PDZD2: variants seen among roughly 807,000 people sequenced by gnomAD.
PDZD2 encodes PDZ domain-containing protein 2.
A neutral mutation model predicts 220.7 loss-of-function variants in PDZD2; 90 were observed. That is an observed-to-expected ratio of 0.41 (90% CI 0.34 to 0.49). The LOEUF is 0.49. PDZD2 is among the 20% of genes least tolerant of loss of function. The pLI is 0.28. For synonymous variants in PDZD2, 1,375 were observed against 1,450.5 expected, an observed-to-expected ratio of 0.95 and a Z score of 1.18; for missense variants, 3,174 against 3,608.5, an observed-to-expected ratio of 0.88 and a Z score of 3.08.
intron 2 of PDZD2, among the ~76,000 whole-genome samples, chr5:31,924,339 CT>C: frequency 6.6e-6 from 1 of 152,192 alleles, no homozygotes; most frequent in African/African-American, 2.4e-5. Flanking sequence ...ATGTAATTGT[CT>C]CCAGGTACAG....
chr5:31,910,007 G>A (rs527446234), intron 2 of PDZD2, among the ~76,000 whole-genome samples: 3 of 152,172 alleles, frequency 2.0e-5, no homozygotes, highest in Admixed American at 6.5e-5. Flanking sequence ...TTATGGATGC[G>A]TTTACTACGT....
Position 32,083,668 on chromosome 5 carries a change from G to A in PDZD2, c.3683-3463G>A, listed in dbSNP as rs781346564. On this transcript the variant is annotated intron_variant, in intron 19 of 24. Transcript: ENST00000438447. This position sits in a 1 kb window ranked among gnomAD's most constrained non-coding sequence, Gnocchi z 4.1. ...GCCTGTTTAGGTTTATTCAGTGAGC[G>A]AATATGAAATTTGTTTATTTTTGAG... 9 of 152,050 alleles carry A rather than the reference G, an allele frequency of 5.9e-5. No individual in the cohort carries two copies. The highest frequency in any genetic ancestry group is 1.2e-4 in the Non-Finnish European group (8 of 68,032). 9.4% of individuals were successfully genotyped at this position (152,050 alleles called of 1,614,324 possible).
intron 2 of PDZD2, among the ~76,000 whole-genome samples, chr5:31,880,218 C>T (rs1441860563): frequency 2.6e-5 from 4 of 152,108 alleles, no homozygotes; most frequent in Non-Finnish European, 4.4e-5. Context: ...CCACTGCACC[C>T]GGCCAATACC....
At chr5:31,980,689 A>T (rs1253937311) in intron 2 of PDZD2, among the ~76,000 whole-genome samples, 1 of 152,236 alleles carries the variant, frequency 6.6e-6, no homozygotes, top group Non-Finnish European at 1.5e-5. Flanking sequence ...TATGGAAAAA[A>T]TGTTTACAAT....
At chr5:31,912,073 T>C (rs1241374457) in intron 2 of PDZD2, among the ~76,000 whole-genome samples, 5 of 152,224 alleles carry the variant, frequency 3.3e-5, no homozygotes, top group Non-Finnish European at 7.3e-5. Context: ...GCCTTGGCTC[T>C]ACTACACAAA....
chr5:31,697,058 C>T (rs1287198841), intron 1 of PDZD2, among the ~76,000 whole-genome samples: 4 of 152,228 alleles, frequency 2.6e-5, no homozygotes, highest in Non-Finnish European at 4.4e-5. Flanking sequence ...GGGGGCCAGC[C>T]TGCTCTCAGC....
intron 2 of PDZD2, chr5:31,854,895 C>A: frequency 1.2e-6 from 1 of 831,880 alleles, no homozygotes; most frequent in Non-Finnish European, 1.4e-6. Flanking sequence ...TAACCTCCTC[C>A]ACCGCGGCGC....
intron 1 of PDZD2, among the ~76,000 whole-genome samples, chr5:31,793,309 G>A (rs1172887540): frequency 6.6e-6 from 1 of 151,930 alleles, no homozygotes; most frequent in East Asian, 1.9e-4. Flanking sequence ...GCAGAGTGGG[G>A]GCACTTCCCC....
chr5:31,692,024 C>T (rs1747157608), intron 1 of PDZD2, among the ~76,000 whole-genome samples: 1 of 152,230 alleles, frequency 6.6e-6, no homozygotes, highest in Non-Finnish European at 1.5e-5. Flanking sequence ...ATTCCTCAGC[C>T]CTTGGGTGGT....
chr5:31,975,769 T>C (rs578195924), intron 2 of PDZD2, among the ~76,000 whole-genome samples: 1 of 149,012 alleles, frequency 6.7e-6, no homozygotes, highest in African/African-American at 2.5e-5. Flanking sequence ...AAAGGTATTA[T>C]GAGCACACTG....
intron 2 of PDZD2, among the ~76,000 whole-genome samples, chr5:31,865,072 C>A (rs1318964861): frequency 2.0e-5 from 3 of 151,734 alleles, no homozygotes; most frequent in Admixed American, 6.6e-5. Context: ...TGGTCTCGAT[C>A]TCCTGACCTC....
intron 2 of PDZD2, among the ~76,000 whole-genome samples, chr5:31,801,122 A>G (rs565669523): frequency 2.0e-5 from 3 of 152,200 alleles, no homozygotes; most frequent in Non-Finnish European, 2.9e-5. Flanking sequence ...GGCACATACA[A>G]CATGGTCCAA....
intron 5 of PDZD2, among the ~76,000 whole-genome samples, chr5:32,003,854 G>A (rs1042141248): frequency 3.3e-5 from 5 of 152,274 alleles, no homozygotes; most frequent in African/African-American, 1.2e-4. Context: ...TGGGATTACA[G>A]GTGCCCACCA....
intron 1 of PDZD2, among the ~76,000 whole-genome samples, chr5:31,707,613 C>T (rs1470756613): frequency 6.6e-6 from 1 of 151,892 alleles, no homozygotes; most frequent in African/African-American, 2.4e-5. Flanking sequence ...GCCACACCCA[C>T]GTGGAGCTAC....
At chr5:32,071,306 T>G in intron 15 of PDZD2, 78 bp from the exon 16 acceptor site, 1 of 1,039,808 alleles carries the variant, frequency 9.6e-7, no homozygotes, top group East Asian at 2.4e-5. Flanking sequence ...GCCGCCTCCT[T>G]TTCTAGTTAA....
intron 1 of PDZD2, among the ~76,000 whole-genome samples, chr5:31,658,201 G>C (rs927771395): frequency 1.3e-5 from 2 of 152,072 alleles, no homozygotes; most frequent in Non-Finnish European, 2.9e-5. Flanking sequence ...AGTCACCCCA[G>C]GGTCTATTCT....
intron 19 of PDZD2, among the ~76,000 whole-genome samples, chr5:32,080,932 G>T (rs142938532): frequency 6.6e-6 from 1 of 152,024 alleles, no homozygotes; most frequent in Non-Finnish European, 1.5e-5. Context: ...ATGGGGTGGT[G>T]GGGGGAGGGA....
At position 31,977,556 on chromosome 5, in the gene PDZD2, C is replaced by A. The variant is rs1444993373; in HGVS notation, c.477-5599C>A. Among the ~76,000 whole-genome samples, 3 of 152,176 alleles carry A rather than the reference C, an allele frequency of 2.0e-5. No homozygotes were observed. The East Asian group carries it at 5.8e-4, about 29-fold the overall frequency. On this transcript the variant is annotated intron_variant, in intron 2 of 24. Coordinates refer to ENST00000438447, the MANE Select transcript of PDZD2 (RefSeq NM_178140.4). ...GACTCCCACCCTTGGAGAGCCCAGA[C>A]TCCAGAATTATGATAGAGCATCAAG...
At chr5:31,807,002 T>G (rs939771611) in intron 2 of PDZD2, among the ~76,000 whole-genome samples, 1 of 150,208 alleles carries the variant, frequency 6.7e-6, no homozygotes, top group African/African-American at 2.5e-5. Context: ...CGGCGCGATC[T>G]CGACTCACTG....
Sources: gnomAD v4.1 joint callset for allele counts (sites outside exome capture counted in the v4.1 genomes callset) on GRCh38, gnomAD v4.1.1 for gene constraint, Gnocchi (gnomAD v3.1) non-coding constraint, MANE v1.5 for transcripts, NCBI Gene and HGNC (gene_info 2026-07-23, HGNC 2026-07-21) for gene names.